STK32B: variants seen among roughly 807,000 people sequenced by gnomAD.
STK32B encodes serine/threonine-protein kinase 32B.
STK32B carries 43 observed loss-of-function variants against 52.6 expected under a neutral mutation model. That is an observed-to-expected ratio of 0.82 (90% CI 0.64 to 1.05). The LOEUF (loss-of-function observed/expected upper bound fraction) is 1.05, where lower values mean the gene tolerates loss of function less well. STK32B is among the 50% of genes least tolerant of loss of function. The pLI is 0.00. For synonymous variants in STK32B, 238 were observed against 204.3 expected (o/e 1.17, Z -1.41); for missense variants, 621 against 534.6 (o/e 1.16, Z -1.59).
At chr4:5,446,602 T>TC in intron 6 of STK32B, 71 bp from the exon 7 acceptor site, 1 of 1,289,540 alleles carries the variant, frequency 7.8e-7, no homozygotes. Context: ...TCTCTCCTTG[T>TC]CCCCTCTCTA....
chr4:5,292,155 T>C (rs1460711284), intron 3 of STK32B, among the ~76,000 whole-genome samples: 1 of 152,146 alleles, frequency 6.6e-6, no homozygotes, highest in East Asian at 1.9e-4. Context: ...TTTGGGTATA[T>C]ACCCCGTAAT....
chr4:5,448,889 G>A (rs564059732), intron 7 of STK32B, among the ~76,000 whole-genome samples: 2 of 152,264 alleles, frequency 1.3e-5, no homozygotes, highest in East Asian at 1.9e-4. Context: ...ACTGGAAACC[G>A]TTGATTTAGT....
intron 1 of STK32B, among the ~76,000 whole-genome samples, chr4:5,096,989 G>A (rs1437228486): frequency 6.6e-6 from 1 of 152,210 alleles, no homozygotes; most frequent in Admixed American, 6.5e-5. Context: ...TACAGAAGAG[G>A]AAATCGAAGC....
intron 1 of STK32B, among the ~76,000 whole-genome samples, chr4:5,087,470 A>G (rs1712795430): frequency 6.6e-6 from 1 of 152,016 alleles, no homozygotes. Flanking sequence ...TTAAATGTAA[A>G]TGGATTAAAC....
At chr4:5,044,603 A>G in the STK32B span, among the ~76,000 whole-genome samples, 2 of 152,050 alleles carry the variant, frequency 1.3e-5, no homozygotes, top group Admixed American at 1.3e-4. Flanking sequence ...GTTTTCCTCT[A>G]TTCAAAATAT....
chr4:5,179,564 A>T (rs568149252), intron 3 of STK32B, among the ~76,000 whole-genome samples: 28 of 152,342 alleles, frequency 1.8e-4, no homozygotes, highest in African/African-American at 6.0e-4. Flanking sequence ...TGATAGATAT[A>T]GATGATAGAT....
At chr4:5,457,194 A>C (rs1577536555) in intron 8 of STK32B, among the ~76,000 whole-genome samples, 1 of 144,632 alleles carries the variant, frequency 6.9e-6, no homozygotes, top group Middle Eastern at 3.9e-3. Context: ...GAAATAATGC[A>C]TGTGGGGTTT....
chr4:5,134,782 T>C (rs73794785), intron 1 of STK32B, among the ~76,000 whole-genome samples: 1,823 of 152,360 alleles, frequency 0.012, 36 homozygotes, highest in African/African-American at 0.041. Context: ...ACGGGATGTT[T>C]GCTTACTTTT....
At chr4:5,240,615 G>A (rs999005809) in intron 3 of STK32B, among the ~76,000 whole-genome samples, 17 of 151,978 alleles carry the variant, frequency 1.1e-4, no homozygotes, top group Admixed American at 1.3e-4. Context: ...ATGTACCACC[G>A]CACCCAGCTA....
chr4:5,447,010 A>C, intron 7 of STK32B: 1 of 466,072 alleles, frequency 2.1e-6, no homozygotes, highest in South Asian at 2.6e-5. Flanking sequence ...AGGGTCTTAC[A>C]CAAAGGCCCA....
Position 5,416,876 on chromosome 4 carries a change from G to C in STK32B, c.504G>C (p.Ala168=). 1 of 1,613,904 alleles carries C rather than the reference G, an allele frequency of 6.2e-7. No individual in the cohort carries two copies. Among genetic ancestry groups the C allele is most frequent in the Non-Finnish European group, 8.5e-7 (1 of 1,179,944 alleles). ...TTCACATTACAGACTTCAACATAGC[G>C]ACGGTAGTGAAAGGAGCAGAAAGGG... ...GHVHITDFNI[A]TVVKGAERAS... The change falls in exon 6 of 12, where the codon GCG becomes GCC. Residue 168 remains alanine (A), a synonymous_variant. Transcript: ENST00000282908.
intron 1 of STK32B, among the ~76,000 whole-genome samples, chr4:5,062,047 A>G (rs1235721489): frequency 6.6e-6 from 1 of 152,208 alleles, no homozygotes; most frequent in African/African-American, 2.4e-5. Context: ...AAGGTTGACC[A>G]AAAATATTCC....
intron 2 of STK32B, among the ~76,000 whole-genome samples, chr4:5,144,819 TCC>T (rs1180726300): frequency 6.6e-6 from 1 of 151,148 alleles, no homozygotes; most frequent in East Asian, 1.9e-4. Flanking sequence ...CATCCATCCA[TCC>T]ATCCATCCAT....
intron 3 of STK32B, among the ~76,000 whole-genome samples, chr4:5,211,815 CTG>C (rs1251142553): frequency 3.0e-4 from 46 of 152,320 alleles, no homozygotes; most frequent in Non-Finnish European, 1.3e-4. Flanking sequence ...GCATTTTACA[CTG>C]TGAATCACGC....
chr4:5,495,835 G>A (rs1470470108), intron 11 of STK32B, among the ~76,000 whole-genome samples: 1 of 152,176 alleles, frequency 6.6e-6, no homozygotes, highest in Non-Finnish European at 1.5e-5. Flanking sequence ...GTTTGCTAGA[G>A]GTCCACTCCA....
intron 1 of STK32B, among the ~76,000 whole-genome samples, chr4:5,124,017 CTG>C (rs1715215274): frequency 6.6e-6 from 1 of 152,176 alleles, no homozygotes; most frequent in African/African-American, 2.4e-5. Context: ...CCTGTGACCT[CTG>C]TTTTATTAGA....
rs78183451 is a variant in STK32B, at chr4:5,376,707, G to A, written c.435-21500G>A. On this transcript the variant is annotated intron_variant, in intron 4 of 11. Transcript: ENST00000282908. ...AGGATATTAAGCCCCATTTCAGGTCGTTGGTCAGACTTCGTGTCCACACCT... is the reference window on the plus strand; with the variant it reads ...AGGATATTAAGCCCCATTTCAGGTCATTGGTCAGACTTCGTGTCCACACCT... Among the ~76,000 whole-genome samples the A allele has an allele frequency of 9.5e-3, 1,447 of 152,216 alleles. 13 individuals carry two copies. The highest frequency in any genetic ancestry group is 0.033 in the African/African-American group (1,366 of 41,520).
chr4:5,097,476 A>C (rs1370143435), intron 1 of STK32B, among the ~76,000 whole-genome samples: 1 of 147,086 alleles, frequency 6.8e-6, no homozygotes, highest in East Asian at 1.9e-4. Context: ...TCAAGAAAGA[A>C]AGATCCCCTA....
At chr4:5,289,326 G>C (rs1728740258) in intron 3 of STK32B, among the ~76,000 whole-genome samples, 1 of 152,206 alleles carries the variant, frequency 6.6e-6, no homozygotes, top group Non-Finnish European at 1.5e-5. Flanking sequence ...CCTGGAAGTT[G>C]CTCTGGGTGA....
Sources: allele counts gnomAD v4.1 joint callset (sites outside exome capture counted in the v4.1 genomes callset), GRCh38; gene constraint gnomAD v4.1.1; transcripts MANE v1.5; gene names NCBI Gene and HGNC (gene_info 2026-07-23, HGNC 2026-07-21).